RHOBTB1: variants seen among roughly 807,000 people sequenced by gnomAD.
RHOBTB1 encodes the protein rho-related BTB domain-containing protein 1.
Under a neutral mutation model 71.6 loss-of-function variants are expected in RHOBTB1, and 40 were observed. The ratio of observed to expected loss-of-function variants is 0.56; its 90% confidence interval spans 0.43 to 0.73. RHOBTB1 has a LOEUF of 0.73. RHOBTB1 is among the 30% of genes least tolerant of loss of function. RHOBTB1 has a pLI of 0.00. For synonymous variants in RHOBTB1, 319 were observed against 334.9 expected (o/e 0.95, Z 0.52); for missense variants, 797 against 894.0 (o/e 0.89, Z 1.38).
chr10:60,887,632 G>A (rs1250934746), intron 6 of RHOBTB1, among the ~76,000 whole-genome samples: 1 of 152,198 alleles, frequency 6.6e-6, no homozygotes, highest in South Asian at 2.1e-4. Context: ...AGGAGCATGA[G>A]GACGGAAAAG....
chr10:60,943,091 T>C (rs1267749258), intron 1 of RHOBTB1, among the ~76,000 whole-genome samples: 3 of 152,198 alleles, frequency 2.0e-5, no homozygotes, highest in Admixed American at 6.5e-5. Flanking sequence ...TTAACCTTCA[T>C]GCATTTTTGC....
chr10:60,925,133 A>T (rs1004777223), intron 2 of RHOBTB1, among the ~76,000 whole-genome samples: 4 of 152,104 alleles, frequency 2.6e-5, no homozygotes, highest in Non-Finnish European at 5.9e-5. Context: ...GCCATGTGAC[A>T]TTCCTGCTCT....
At chr10:60,995,199 G>A (rs2087007511) in intron 1 of RHOBTB1, among the ~76,000 whole-genome samples, 1 of 152,100 alleles carries the variant, frequency 6.6e-6, no homozygotes, top group Non-Finnish European at 1.5e-5. Context: ...AAAATTCCAT[G>A]CTGGGAAATT....
Position 60,889,176 on chromosome 10 carries a change from C to T in RHOBTB1, c.492G>A (p.Lys164=). 2 of 1,607,980 alleles carry T rather than the reference C, an allele frequency of 1.2e-6. No homozygotes were observed. Among genetic ancestry groups the T allele is most frequent in the Non-Finnish European group, 1.7e-6 (2 of 1,177,688 alleles). The change falls in exon 6 of 11, where the codon AAG becomes AAA. Residue 164 remains lysine, a synonymous_variant. Coordinates refer to ENST00000337910, the MANE Select transcript of RHOBTB1 (RefSeq NM_014836.5). ...TTTCTGGGGGCAAAATATCCCCTCT[C>T]TTTATGGGCCTGAAATAGAACATTT... ...RARRPLARPI[K]RGDILPPEKG... is the part of the protein sequence containing the mutation.
chr10:60,919,775 C>T (rs1221456616), intron 2 of RHOBTB1, among the ~76,000 whole-genome samples: 1 of 152,202 alleles, frequency 6.6e-6, no homozygotes, highest in African/African-American at 2.4e-5. Flanking sequence ...CACCAGGGCT[C>T]TCTGACAGTG....
At chr10:60,936,722 A>G (rs1052557300) in intron 2 of RHOBTB1, among the ~76,000 whole-genome samples, 2 of 152,264 alleles carry the variant, frequency 1.3e-5, no homozygotes, top group Non-Finnish European at 2.9e-5. Flanking sequence ...AGAATTACTG[A>G]ATCATAATCT....
chr10:60,900,612 A>T (rs2082370579), intron 4 of RHOBTB1, among the ~76,000 whole-genome samples: 2 of 152,176 alleles, frequency 1.3e-5, no homozygotes, highest in African/African-American at 4.8e-5. Context: ...GTGTAAGGAA[A>T]CAGGCCCTCA....
At chr10:60,965,679 T>C (rs1214275811) in intron 2 of RHOBTB1, among the ~76,000 whole-genome samples, 2 of 152,136 alleles carry the variant, frequency 1.3e-5, no homozygotes, top group African/African-American at 2.4e-5. Flanking sequence ...TGAATACAGG[T>C]TTCTTGGCAA....
intron 4 of RHOBTB1, among the ~76,000 whole-genome samples, chr10:60,906,800 G>A (rs942498893): frequency 6.6e-6 from 1 of 151,534 alleles, no homozygotes; most frequent in East Asian, 1.9e-4. Context: ...AAATTTTATA[G>A]GGGAAAAAAA....
At chr10:60,867,495 G>T (rs1024702558), downstream of RHOBTB1, among the ~76,000 whole-genome samples, 4 of 152,344 alleles carry the variant, frequency 2.6e-5, no homozygotes, top group Admixed American at 2.6e-4. Flanking sequence ...TGTGGAAACT[G>T]AACGACAGGA....
Position 60,987,347 on chromosome 10 carries a change from C to T in RHOBTB1, c.-162-1402G>A, listed in dbSNP as rs113953181. 3.7e-3 allele frequency among the ~76,000 whole-genome samples: 562 copies of T among 152,238 alleles called. 3 individuals are homozygous for T. Among genetic ancestry groups the T allele is most frequent in the African/African-American group, 0.012 (518 of 41,538 alleles). On this transcript the variant is annotated intron_variant, in intron 1 of 11. Transcript: ENST00000357917. ...AGCTTAAATTATATCTTTTTGGATG[C>T]TTCATCCCCATCCTCTCCTGAATTT...
chr10:60,954,370 A>G (rs939470538), intron 2 of RHOBTB1, among the ~76,000 whole-genome samples: 10 of 152,206 alleles, frequency 6.6e-5, no homozygotes, highest in African/African-American at 9.6e-5. Context: ...AGTCTCAAAA[A>G]GGCTTTACAC....
At chr10:60,960,877 A>G (rs2085755432) in intron 2 of RHOBTB1, among the ~76,000 whole-genome samples, 1 of 152,098 alleles carries the variant, frequency 6.6e-6, no homozygotes, top group Non-Finnish European at 1.5e-5. Context: ...TGTCACCATC[A>G]TGTCCACAGA....
At chr10:61,001,031 C>T (rs554238236) in intron 1 of RHOBTB1, among the ~76,000 whole-genome samples, 197 of 151,974 alleles carry the variant, frequency 1.3e-3, no homozygotes, top group Non-Finnish European at 7.8e-4. Flanking sequence ...TCTGGCCACC[C>T]CCGCCTCCGC....
intron 2 of RHOBTB1, among the ~76,000 whole-genome samples, chr10:60,932,639 T>A (rs1312079365): frequency 2.0e-5 from 3 of 151,548 alleles, no homozygotes; most frequent in Admixed American, 2.0e-4. Context: ...GAATTAATAA[T>A]CAAAATATTG....
At chr10:60,906,635 A>T (rs1897367) in intron 4 of RHOBTB1, among the ~76,000 whole-genome samples, 1 of 151,916 alleles carries the variant, frequency 6.6e-6, no homozygotes, top group Non-Finnish European at 1.5e-5. Flanking sequence ...TTGCAGGCTC[A>T]CCACAAGAGT....
intron 2 of RHOBTB1, among the ~76,000 whole-genome samples, chr10:60,926,082 C>A (rs997101731): frequency 1.8e-4 from 28 of 152,146 alleles, no homozygotes; most frequent in Admixed American, 1.3e-3. Flanking sequence ...ACTAAAAATA[C>A]AAATATTAGC....
intron 9 of RHOBTB1, 137 bp downstream of exon 9, chr10:60,874,814 ATCT>A (rs1257204008): frequency 3.1e-6 from 2 of 645,262 alleles, no homozygotes; most frequent in Non-Finnish European, 5.5e-6. Flanking sequence ...AAACTCTCAG[ATCT>A]TCTTAGTGTA....
chr10:60,895,741 T>C (rs1198071424), intron 4 of RHOBTB1, among the ~76,000 whole-genome samples: 1 of 152,270 alleles, frequency 6.6e-6, no homozygotes, highest in East Asian at 1.9e-4. Flanking sequence ...CTTAAATGTC[T>C]TGTGGTTAAC....
Sources: allele counts gnomAD v4.1 joint callset (sites outside exome capture counted in the v4.1 genomes callset), GRCh38; gene constraint gnomAD v4.1.1; transcripts MANE v1.5; gene names NCBI Gene and HGNC (gene_info 2026-07-23, HGNC 2026-07-21).